Variants in PSMD14 observed in about 807,000 individuals in gnomAD.
PSMD14 encodes ubiquitin C-terminal hydrolase PSMD14.
PSMD14 carries 7 observed loss-of-function variants against 41.2 expected under a neutral mutation model. That is an observed-to-expected ratio of 0.17 (90% confidence interval 0.10 to 0.32). The LOEUF (loss-of-function observed/expected upper bound fraction) is 0.32. Ranked by LOEUF, PSMD14 falls within the 10% of genes least tolerant of loss-of-function variation. The pLI is 1.00. For missense variants in PSMD14, 139 were observed against 375.6 expected (o/e 0.37, Z 5.21); for synonymous variants, 114 against 122.3 (o/e 0.93, Z 0.45).
At chr2:161,379,691 G>A (rs1027537151) in intron 7 of PSMD14, among the ~76,000 whole-genome samples, 1 of 151,970 alleles carries the variant, frequency 6.6e-6, no homozygotes, top group Non-Finnish European at 1.5e-5. Context: ...GATTTATTGG[G>A]GGAGACACCC....
At chr2:161,317,982 A>G (rs1405506945) in intron 2 of PSMD14, among the ~76,000 whole-genome samples, 3 of 152,150 alleles carry the variant, frequency 2.0e-5, no homozygotes, top group Non-Finnish European at 4.4e-5. Context: ...ATTTAAGGCC[A>G]TATAAGTACA....
chr2:161,373,834 A>G (rs1264288015), intron 7 of PSMD14, among the ~76,000 whole-genome samples: 4 of 151,880 alleles, frequency 2.6e-5, no homozygotes, highest in South Asian at 2.1e-4. Context: ...TTCATTCACA[A>G]TAGTTTGATT....
intron 3 of PSMD14, among the ~76,000 whole-genome samples, chr2:161,325,455 T>C (rs1682681474): frequency 6.6e-6 from 1 of 152,184 alleles, no homozygotes; most frequent in African/African-American, 2.4e-5. Flanking sequence ...GTTTCAATTG[T>C]TTGTCTCAGG....
chr2:161,341,206 G>A (rs1682954413), intron 3 of PSMD14: 2 of 964,386 alleles, frequency 2.1e-6, no homozygotes, highest in Non-Finnish European at 2.5e-6. Flanking sequence ...GGTTCCGGGG[G>A]CGCGCGGGCA....
intron 2 of PSMD14, among the ~76,000 whole-genome samples, chr2:161,318,151 A>G (rs1407974983): frequency 3.3e-5 from 5 of 152,200 alleles, no homozygotes; most frequent in African/African-American, 1.2e-4. Flanking sequence ...GAATTTCCTT[A>G]GTGAAAAAGG....
intron 3 of PSMD14, among the ~76,000 whole-genome samples, chr2:161,363,771 C>T (rs921698790): frequency 2.6e-5 from 4 of 152,302 alleles, no homozygotes; most frequent in Admixed American, 2.0e-4. Context: ...TTCTTCAGTG[C>T]CCCACTGCTC....
rs1683550525 is a variant in PSMD14 at position 161,379,737 on chromosome 2, G to C, written c.463-5727G>C. On this transcript the variant is annotated intron_variant, in intron 7 of 11. Transcript: ENST00000409682. The stretch of plus-strand genomic sequence containing the variant: ...AAGGGGAGAGCCTTCAGACAGCAGT[G>C]AAGGGTTGACCATGCAAAGGAGAAA... Among the ~76,000 whole-genome samples, 4 of 152,066 alleles carry C rather than the reference G, an allele frequency of 2.6e-5. No homozygotes were observed. The South Asian group carries it at 8.3e-4, about 31-fold the overall frequency.
chr2:161,403,240 T>G (rs1683904990), intron 10 of PSMD14, among the ~76,000 whole-genome samples: 1 of 152,182 alleles, frequency 6.6e-6, no homozygotes, highest in Non-Finnish European at 1.5e-5. Flanking sequence ...TGATACATGC[T>G]ACTACATGGA....
At chr2:161,371,982 T>G (rs1683441318) in intron 7 of PSMD14, among the ~76,000 whole-genome samples, 1 of 151,902 alleles carries the variant, frequency 6.6e-6, no homozygotes, top group Non-Finnish European at 1.5e-5. Flanking sequence ...TTTTTTTTAT[T>G]TCTTTCTTTC....
intron 3 of PSMD14, chr2:161,340,961 A>G: frequency 6.2e-7 from 1 of 1,612,294 alleles, no homozygotes; most frequent in Non-Finnish European, 8.5e-7. Flanking sequence ...GCCCCTTCTC[A>G]CCATCCAAGT....
chr2:161,395,021 C>T (rs2105268159), intron 9 of PSMD14, 57 bp from the exon 10 acceptor site: 1 of 1,352,314 alleles, frequency 7.4e-7, no homozygotes, highest in South Asian at 1.6e-5. Context: ...TTTCTCTAGA[C>T]AATGAAGGGG....
intron 3 of PSMD14, among the ~76,000 whole-genome samples, chr2:161,353,175 G>C (rs1007970169): frequency 1.3e-5 from 2 of 152,042 alleles, no homozygotes; most frequent in Non-Finnish European, 2.9e-5. Context: ...GTGAAATCTT[G>C]GGTCCTTAAG....
chr2:161,411,527 C>T lies in PSMD14; in HGVS notation c.*127C>T, dbSNP rs1574146647. The T allele has an allele frequency of 4.0e-6, 2 of 501,856 alleles. No homozygotes were observed. Among genetic ancestry groups the T allele is most frequent in the Non-Finnish European group, 6.8e-6 (2 of 292,606 alleles). 31.1% of individuals were successfully genotyped at this position (501,856 alleles called of 1,614,324 possible). On this transcript the variant is annotated 3_prime_UTR_variant, in exon 12 of 12. Coordinates refer to ENST00000409682, the MANE Select transcript of PSMD14 (RefSeq NM_005805.6). ...AAGACATCTGGCATCATTTGCAGCA[C>T]TGTAACACCTTCAGTCTCAGTTGTG...
chr2:161,348,505 T>C (rs1683075943), intron 3 of PSMD14, among the ~76,000 whole-genome samples: 1 of 152,242 alleles, frequency 6.6e-6, no homozygotes, highest in African/African-American at 2.4e-5. Flanking sequence ...TAGGAGAATG[T>C]GTACATAATT....
intron 10 of PSMD14, among the ~76,000 whole-genome samples, chr2:161,400,377 G>A (rs891353406): frequency 3.3e-5 from 5 of 152,050 alleles, no homozygotes; most frequent in African/African-American, 1.2e-4. Flanking sequence ...TTTCCTTTCA[G>A]GATCCTTTCC....
At chr2:161,354,483 A>G (rs1683165839) in intron 3 of PSMD14, among the ~76,000 whole-genome samples, 1 of 115,686 alleles carries the variant, frequency 8.6e-6, no homozygotes, top group Admixed American at 9.8e-5. Flanking sequence ...TTTTATAACA[A>G]AGGTAGTCGA....
intron 7 of PSMD14, among the ~76,000 whole-genome samples, chr2:161,371,524 T>C (rs1373274093): frequency 6.6e-6 from 1 of 152,184 alleles, no homozygotes; most frequent in Non-Finnish European, 1.5e-5. Flanking sequence ...TCTTCTTTAA[T>C]CACTTATTGT....
At chr2:161,346,571 C>T (rs1683045791) in intron 3 of PSMD14, among the ~76,000 whole-genome samples, 2 of 148,502 alleles carry the variant, frequency 1.3e-5, no homozygotes, top group African/African-American at 5.0e-5. Flanking sequence ...AGTCTTATCT[C>T]GTGTGCTGGC....
intron 7 of PSMD14, among the ~76,000 whole-genome samples, chr2:161,378,912 A>G (rs1314125617): frequency 6.6e-6 from 1 of 152,032 alleles, no homozygotes; most frequent in Non-Finnish European, 1.5e-5. Context: ...ATACACAGCA[A>G]AGTAATTGGC....
Sources: gnomAD v4.1 joint callset for allele counts (sites outside exome capture counted in the v4.1 genomes callset) on GRCh38, gnomAD v4.1.1 for gene constraint, MANE v1.5 for transcripts, NCBI Gene and HGNC (gene_info 2026-07-23, HGNC 2026-07-21) for gene names.